RYR2: variants seen among roughly 807,000 people sequenced by gnomAD.
RYR2 encodes the protein cardiac muscle ryanodine receptor-calcium release channel.
In RYR2, 227 loss-of-function variants were observed where a neutral mutation model predicts 601.1. The ratio of observed to expected loss-of-function variants is 0.38; its 90% CI spans 0.34 to 0.42. The LOEUF is 0.42. Among genes scored for constraint, RYR2 ranks in the 10% least tolerant of loss-of-function variants. RYR2 has a pLI of 1.00. For synonymous variants in RYR2, 2,223 were observed against 2,175.1 expected (o/e 1.02, Z -0.61); for missense variants, 4,646 against 6,156.5 (o/e 0.75, Z 8.21).
intron 29 of RYR2, among the ~76,000 whole-genome samples, chr1:237,580,321 AATTTTTTGT>A (rs1288080337): frequency 3.3e-5 from 5 of 151,644 alleles, no homozygotes; most frequent in African/African-American, 1.2e-4. Flanking sequence ...ACGCCTGGCT[AATTTTTTGT>A]ATTTTTTGTA....
At chr1:237,665,327 A>C (rs1684212596) in intron 56 of RYR2, among the ~76,000 whole-genome samples, 1 of 145,122 alleles carries the variant, frequency 6.9e-6, no homozygotes. Context: ...TGAACCTGGG[A>C]GGCAGAGGTT....
chr1:237,417,178 C>T lies in RYR2; in HGVS notation c.848+55C>T, dbSNP rs186094701. 3.7e-6 allele frequency: 5 copies of T among 1,363,580 alleles called. No homozygotes were observed. In the East Asian group the frequency reaches 6.9e-5, roughly 19 times the overall value. The allele number at this position is 1,363,580 out of a possible 1,614,324, so 84.5% of individuals were successfully genotyped here. A position where few individuals can be genotyped will look rare whatever the true frequency, so the allele number is the denominator to read the frequency against. ...GCACCAAGTGTACCAAATAGCTCAG[C>T]GTTGTGCTTCTGTGTCAGCCTGTGA... On this transcript the variant is annotated intron_variant, in intron 11 of 104. Transcript: ENST00000366574.
At chr1:237,359,347 A>G (rs1230260016) in intron 4 of RYR2, among the ~76,000 whole-genome samples, 2 of 152,172 alleles carry the variant, frequency 1.3e-5, no homozygotes, top group Non-Finnish European at 2.9e-5. Flanking sequence ...TCACTTTCAC[A>G]TTGTCGTACA....
In RYR2 at chr1:237,277,664, T is replaced by G. The variant is rs143862807; in HGVS notation, c.168+7048T>G. Among the ~76,000 whole-genome samples, 5 of 151,954 alleles carry G rather than the reference T, an allele frequency of 3.3e-5. No individual in the cohort carries two copies. In the East Asian group the frequency reaches 9.7e-4, roughly 29 times the overall value. ...GACCAGACCCTGTCTCTACAAAAAT[T>G]TAAAAATTAGCTGGGTCTGGTGGCA... On this transcript the variant is annotated intron_variant, in intron 2 of 104. Transcript: ENST00000366574.
At chr1:237,652,966 T>A (rs1056129131) in intron 51 of RYR2, among the ~76,000 whole-genome samples, 8 of 152,188 alleles carry the variant, frequency 5.3e-5, no homozygotes, top group Admixed American at 3.9e-4. Flanking sequence ...TAACAGTAAT[T>A]CTTATAATTT....
At chr1:237,284,827 C>A (rs1691368681) in intron 2 of RYR2, among the ~76,000 whole-genome samples, 1 of 151,768 alleles carries the variant, frequency 6.6e-6, no homozygotes, top group Admixed American at 6.6e-5. Flanking sequence ...TGATTCTCTG[C>A]TTGGTTGCTG....
At chr1:237,487,041 T>C (rs1218479842) in intron 17 of RYR2, among the ~76,000 whole-genome samples, 1 of 152,158 alleles carries the variant, frequency 6.6e-6, no homozygotes. Context: ...GTTGAAATTT[T>C]TTTAAGTAAT....
chr1:237,303,695 T>C (rs1693599116), intron 2 of RYR2, among the ~76,000 whole-genome samples: 2 of 152,234 alleles, frequency 1.3e-5, no homozygotes, highest in Admixed American at 6.5e-5. Flanking sequence ...ATGTACCTTT[T>C]TCTCACTTTG....
At chr1:237,100,860 G>T (rs1668007813) in intron 1 of RYR2, among the ~76,000 whole-genome samples, 1 of 152,094 alleles carries the variant, frequency 6.6e-6, no homozygotes, top group African/African-American at 2.4e-5. Context: ...AACTCACGTG[G>T]CATGGGGCCC....
chr1:237,564,638 C>T lies in RYR2; in HGVS notation c.3215-1929C>T, dbSNP rs79863810. On this transcript the variant is annotated intron_variant, in intron 27 of 104. Transcript: ENST00000366574. The stretch of plus-strand genomic sequence containing the variant: ...AAAATCTGATAGAATTTTTTTCTCT[C>T]AAAACAACGTTTACGATCCTATTTT... Among the ~76,000 whole-genome samples the T allele has an allele frequency of 1.8e-4, 28 of 152,192 alleles. No homozygotes were observed. In the East Asian group the frequency reaches 5.2e-3, roughly 28 times the overall value.
chr1:237,205,939 A>G (rs572115350), intron 1 of RYR2, among the ~76,000 whole-genome samples: 12 of 152,360 alleles, frequency 7.9e-5, no homozygotes, highest in Admixed American at 3.3e-4. Flanking sequence ...CGACTGGCTC[A>G]AGAAGATTGC....
chr1:237,566,802 C>A (rs1572901330), intron 28 of RYR2, 27 bp downstream of exon 28: 3 of 1,611,464 alleles, frequency 1.9e-6, no homozygotes, highest in South Asian at 2.2e-5. Context: ...CTGTGCCAGT[C>A]ATCTGTACGT....
intron 61 of RYR2, 59 bp downstream of exon 61, chr1:237,678,171 ATTAGATCG>A: frequency 1.1e-6 from 1 of 909,234 alleles, no homozygotes; most frequent in Non-Finnish European, 1.8e-6. Flanking sequence ...TACCCTACTC[ATTAGATCG>A]TTGCCCTTTT....
intron 58 of RYR2, 56 bp from the exon 59 acceptor site, chr1:237,674,040 C>T: frequency 7.0e-7 from 1 of 1,424,520 alleles, no homozygotes; most frequent in Non-Finnish European, 9.8e-7. Context: ...ATCTGTGTCT[C>T]ATCTCAGATT....
At chr1:237,556,010 T>G (rs1293321941) in intron 27 of RYR2, among the ~76,000 whole-genome samples, 1 of 152,138 alleles carries the variant, frequency 6.6e-6, no homozygotes, top group Non-Finnish European at 1.5e-5. Flanking sequence ...CTTTTAGAGA[T>G]AACTTTACTC....
intron 1 of RYR2, among the ~76,000 whole-genome samples, chr1:237,260,948 T>C (rs1043655642): frequency 3.9e-5 from 6 of 152,214 alleles, no homozygotes; most frequent in African/African-American, 1.4e-4. Context: ...AAATATAGAC[T>C]GAGTGAAAGT....
chr1:237,270,727 A>G, intron 2 of RYR2, 111 bp downstream of exon 2: 2 of 1,206,554 alleles, frequency 1.7e-6, no homozygotes, highest in Middle Eastern at 2.0e-4. Context: ...TATAAATGAA[A>G]GGGATATAAC....
In RYR2 at chr1:237,710,543, T is replaced by C. The variant is rs1688743408; in HGVS notation, c.10230+976T>C. On this transcript the variant is annotated intron_variant, in intron 70 of 104. Transcript: ENST00000366574. Reference sequence around the variant, plus strand: ...AACATAATCACTCAGAAAGGATATATGAAATAATGGCTGCTTAACATGCAA... The same window carrying C: ...AACATAATCACTCAGAAAGGATATACGAAATAATGGCTGCTTAACATGCAA... Among the ~76,000 whole-genome samples the C allele has an allele frequency of 3.3e-5, 5 of 152,184 alleles. 1 individual carries two copies. The South Asian group carries it at 1.0e-3, about 31-fold the overall frequency.
At chr1:237,454,298 G>A (rs1658537500) in intron 14 of RYR2, 93 bp from the exon 15 acceptor site, 3 of 1,276,676 alleles carry the variant, frequency 2.3e-6, no homozygotes. Flanking sequence ...AGTGATGTAG[G>A]GAGAGAGATT....
Sources: gnomAD v4.1 joint callset for allele counts (sites outside exome capture counted in the v4.1 genomes callset) on GRCh38, gnomAD v4.1.1 for gene constraint, MANE v1.5 for transcripts, NCBI Gene and HGNC (gene_info 2026-07-23, HGNC 2026-07-21) for gene names.